The following CBLB variants were observed in gnomAD, a reference collection of about 807,000 sequenced individuals.
CBLB encodes Cbl proto-oncogene B.
A neutral mutation model predicts 104.9 loss-of-function variants in CBLB; 31 were observed. The ratio of observed to expected loss-of-function variants is 0.30; its 90% CI spans 0.22 to 0.40. The LOEUF (loss-of-function observed/expected upper bound fraction) is 0.40. Ranked by LOEUF, CBLB falls within the 10% of genes least tolerant of loss-of-function variation. The probability of loss-of-function intolerance (pLI) is 1.00; values close to 1 mark genes in which losing one functional copy is unlikely to be tolerated. For synonymous variants in CBLB, 440 were observed against 422.6 expected (o/e 1.04, Z -0.51); for missense variants, 1,062 against 1,214.6 (o/e 0.87, Z 1.87).
At chr3:105,843,223 T>C (rs150010369) in intron 3 of CBLB, among the ~76,000 whole-genome samples, 171 of 152,296 alleles carry the variant, frequency 1.1e-3, no homozygotes, top group African/African-American at 3.9e-3. Context: ...GAAACAATCA[T>C]TTACTCTTGT....
chr3:105,702,499 A>AAAAAAAAAAT, intron 11 of CBLB, 40 bp from the exon 12 acceptor site: 1 of 1,386,848 alleles, frequency 7.2e-7, no homozygotes, highest in Non-Finnish European at 9.6e-7. Context: ...AAAAAAAAAA[A>AAAAAAAAAAT]CTAAAGGTTG....
chr3:105,750,026 T>A (rs2076454164), intron 5 of CBLB, among the ~76,000 whole-genome samples: 1 of 151,038 alleles, frequency 6.6e-6, no homozygotes, highest in African/African-American at 2.4e-5. Flanking sequence ...TATATGTATT[T>A]TTTTTTTTTT....
At chr3:105,757,484 C>T (rs1010601539) in intron 4 of CBLB, among the ~76,000 whole-genome samples, 8 of 152,134 alleles carry the variant, frequency 5.3e-5, no homozygotes, top group African/African-American at 1.9e-4. Context: ...TTCCAAGATG[C>T]AGGCAGCAAG....
chr3:105,702,534 A>G, intron 11 of CBLB, 75 bp from the exon 12 acceptor site: 1 of 1,416,452 alleles, frequency 7.1e-7, no homozygotes, highest in Non-Finnish European at 9.5e-7. Context: ...AGAACTTCCA[A>G]ACTAGTGTAT....
chr3:105,838,790 C>T (rs1449155896), intron 3 of CBLB, among the ~76,000 whole-genome samples: 1 of 151,948 alleles, frequency 6.6e-6, no homozygotes, highest in African/African-American at 2.4e-5. Context: ...CAGGCGCATG[C>T]CACCACACCC....
At chr3:105,774,721 G>C (rs2079254946) in intron 4 of CBLB, among the ~76,000 whole-genome samples, 1 of 151,986 alleles carries the variant, frequency 6.6e-6, no homozygotes, top group South Asian at 2.1e-4. Context: ...ATTTTCTGTG[G>C]CTTGAAGTAC....
At chr3:105,750,480 T>C (rs1353469511) in intron 5 of CBLB, among the ~76,000 whole-genome samples, 1 of 152,170 alleles carries the variant, frequency 6.6e-6, no homozygotes, top group East Asian at 1.9e-4. Flanking sequence ...TAAAAAATAA[T>C]ATCAGAACAT....
chr3:105,847,392 C>CCACA (rs112192218), intron 3 of CBLB, among the ~76,000 whole-genome samples: 19,402 of 143,368 alleles, frequency 0.14, 1,245 homozygotes, highest in Middle Eastern at 0.18. Context: ...TAACCCTCCA[C>CCACA]CACACACACA....
chr3:105,797,132 C>T (rs1283701636), intron 3 of CBLB, among the ~76,000 whole-genome samples: 3 of 152,068 alleles, frequency 2.0e-5, no homozygotes, highest in Non-Finnish European at 4.4e-5. Context: ...GACACGTGAA[C>T]GTATATGTTT....
At chr3:105,675,885 A>AAAG (rs941299073) in intron 17 of CBLB, among the ~76,000 whole-genome samples, 3 of 19,378 alleles carry the variant, frequency 1.5e-4, no homozygotes, top group African/African-American at 4.6e-4. Context: ...ACCCTGTCTC[A>AAAG]AAAAAAAAAA....
intron 3 of CBLB, among the ~76,000 whole-genome samples, chr3:105,781,154 G>A (rs903970128): frequency 1.3e-5 from 2 of 152,064 alleles, no homozygotes; most frequent in African/African-American, 2.4e-5. Flanking sequence ...AATCCACAAC[G>A]TCATCATCTA....
chr3:105,723,353 T>C (rs1444462374), intron 9 of CBLB, among the ~76,000 whole-genome samples: 1 of 152,176 alleles, frequency 6.6e-6, no homozygotes, highest in Admixed American at 6.5e-5. Flanking sequence ...CTGTGAATGT[T>C]AAGAGGAAGT....
intron 9 of CBLB, among the ~76,000 whole-genome samples, chr3:105,730,429 C>A (rs560769400): frequency 6.6e-6 from 1 of 152,168 alleles, no homozygotes; most frequent in Non-Finnish European, 1.5e-5. Flanking sequence ...ACAATACTGT[C>A]TTTTTATTTA....
At chr3:105,707,062 A>G (rs1399953833) in intron 10 of CBLB, among the ~76,000 whole-genome samples, 1 of 152,210 alleles carries the variant, frequency 6.6e-6, no homozygotes, top group African/African-American at 2.4e-5. Flanking sequence ...GCATGTTTAA[A>G]TGGGGTAAAT....
At chr3:105,827,087 G>A (rs557050937) in intron 3 of CBLB, among the ~76,000 whole-genome samples, 7 of 152,000 alleles carry the variant, frequency 4.6e-5, no homozygotes, top group African/African-American at 7.3e-5. Flanking sequence ...ATAATATGGC[G>A]CTCCTTTCAA....
intron 3 of CBLB, among the ~76,000 whole-genome samples, chr3:105,795,477 T>C (rs2153003238): frequency 6.6e-6 from 1 of 152,356 alleles, no homozygotes; most frequent in East Asian, 1.9e-4. Context: ...TAGATATATG[T>C]TGAGTATGTG....
Position 105,745,819 on chromosome 3 carries a change from A to G in CBLB, c.845+98T>C. 4 of 1,096,904 alleles carry G rather than the reference A, an allele frequency of 3.6e-6. No individual in the cohort carries two copies. The South Asian group carries it at 5.0e-5, about 14-fold the overall frequency. 67.9% of individuals were successfully genotyped at this position (1,096,904 alleles called of 1,614,324 possible). On this transcript the variant is annotated intron_variant, in intron 6 of 18. Transcript: ENST00000394030. ...TACCTTTTCTAGCCCCCTCCCAAGC[A>G]TGCCATCAGCGGGTATTGCTGACTT...
chr3:105,710,053 T>G (rs1195513003), intron 10 of CBLB, among the ~76,000 whole-genome samples: 2 of 151,960 alleles, frequency 1.3e-5, no homozygotes, highest in African/African-American at 4.8e-5. Flanking sequence ...TTACATTTTT[T>G]TGGTCCCCAT....
intron 13 of CBLB, among the ~76,000 whole-genome samples, chr3:105,687,159 A>G (rs1346678047): frequency 6.6e-6 from 1 of 152,168 alleles, no homozygotes; most frequent in Non-Finnish European, 1.5e-5. Context: ...ACTTTCATTT[A>G]TAATGAATCC....
Sources: allele counts gnomAD v4.1 joint callset (sites outside exome capture counted in the v4.1 genomes callset), GRCh38; gene constraint gnomAD v4.1.1; transcripts MANE v1.5; gene names NCBI Gene and HGNC (gene_info 2026-07-23, HGNC 2026-07-21).